The following HMCN1 variants were observed in gnomAD, a reference collection of about 807,000 sequenced individuals.
The protein encoded by HMCN1 is hemicentin-1.
HMCN1 carries 321 observed loss-of-function variants against 625.9 expected under a neutral mutation model. The observed-to-expected ratio is 0.51, with a 90% CI of 0.47 to 0.56. HMCN1 has a LOEUF of 0.56. Ranked by LOEUF, HMCN1 falls within the 20% of genes least tolerant of loss-of-function variation. The pLI is 0.00. For missense variants in HMCN1, 6,588 were observed against 6,887.3 expected (o/e 0.96, Z 1.54); for synonymous variants, 2,425 against 2,417.6 (o/e 1.00, Z -0.09).
rs770829339 is a variant in HMCN1, at chr1:186,019,603, G to T, written c.5533G>T (p.Ala1845Ser). The stretch of plus-strand genomic sequence containing the variant: ...AGTTGTGGTAAAATACAAGCCTGTC[G>T]CCTTGCAGTGCATAGCCAATGGGAT... ...ERVVVKYKPV[A>S]LQCIANGIPN... The change falls in exon 35 of 107, where the codon GCC (alanine) becomes TCC (serine). Residue 1845 changes from alanine (A) to serine (S), a missense_variant. Physicochemically the swap from Ala to Ser is moderately conservative, Grantham distance 99. This residue lies in a region of HMCN1 where 4,628 missense variants were observed against 4,853.1 expected (regional missense o/e 0.95). Transcript: ENST00000271588. The T allele has an allele frequency of 3.1e-6, 5 of 1,610,034 alleles. No individual in the cohort carries two copies. In the South Asian group the frequency reaches 4.4e-5, roughly 14 times the overall value.
At chr1:185,791,486 G>A (rs760404810) in intron 1 of HMCN1, among the ~76,000 whole-genome samples, 6 of 152,176 alleles carry the variant, frequency 3.9e-5, no homozygotes, top group East Asian at 1.9e-4. Flanking sequence ...TTGGGAGGAC[G>A]AGGCGGGTGG....
intron 1 of HMCN1, among the ~76,000 whole-genome samples, chr1:185,816,567 T>C (rs1659857216): frequency 6.6e-6 from 1 of 152,222 alleles, no homozygotes; most frequent in Non-Finnish European, 1.5e-5. Flanking sequence ...TTTATGCTAA[T>C]GTCAGCTGTA....
intron 29 of HMCN1, 22 bp downstream of exon 29, chr1:186,003,866 G>C: frequency 2.5e-6 from 4 of 1,611,106 alleles, no homozygotes; most frequent in Non-Finnish European, 3.4e-6. Context: ...TTCTGTATTT[G>C]TTGCAAGGTT....
At chr1:185,978,799 G>T (rs1310571414) in intron 16 of HMCN1, among the ~76,000 whole-genome samples, 1 of 152,064 alleles carries the variant, frequency 6.6e-6, no homozygotes, top group Non-Finnish European at 1.5e-5. Context: ...TCCTGCTTCA[G>T]CCTCCTGAGT....
intron 89 of HMCN1, among the ~76,000 whole-genome samples, chr1:186,138,990 C>A (rs1241219911): frequency 6.6e-6 from 1 of 152,134 alleles, no homozygotes; most frequent in Non-Finnish European, 1.5e-5. Context: ...CAATATCTTT[C>A]CAGTATTTAT....
At chr1:186,039,049 T>C (rs775456978) in intron 38 of HMCN1, 44 bp downstream of exon 38, 1 of 1,267,984 alleles carries the variant, frequency 7.9e-7, no homozygotes, top group South Asian at 1.2e-5. Context: ...TAAAGAAGCA[T>C]TCAAAATGAT....
Position 185,990,276 on chromosome 1 carries a change from A to T in HMCN1, c.3210A>T (p.Val1070=). The T allele has an allele frequency of 6.2e-7, 1 of 1,613,690 alleles. No homozygotes were observed. The highest frequency in any genetic ancestry group is 8.5e-7 in the Non-Finnish European group (1 of 1,179,564). ...TTCCAAAACATGTGTTTATTTTAGT[A>T]AGGCCCAGAGTGTTTGGAGATCAAC... is the stretch of plus-strand genomic sequence containing the variant. ...AKRKVQLTVY[V]RPRVFGDQRG... is the part of the protein sequence containing the mutation. The change falls in exon 22 of 107, where the codon GTA becomes GTT. Residue 1070 remains valine, a splice_region_variant and synonymous_variant. Transcript: ENST00000271588.
intron 40 of HMCN1, among the ~76,000 whole-genome samples, chr1:186,041,345 C>T (rs1186809624): frequency 6.6e-6 from 1 of 152,070 alleles, no homozygotes; most frequent in East Asian, 1.9e-4. Context: ...GTAAAATGCA[C>T]ACATCCAGCA....
At chr1:185,928,436 T>A (rs1174507888) in intron 9 of HMCN1, 110 bp from the exon 10 acceptor site, 8 of 911,172 alleles carry the variant, frequency 8.8e-6, no homozygotes, top group Middle Eastern at 2.5e-4. Flanking sequence ...ATCAATTTAT[T>A]TTCTTTACAT....
At chr1:186,143,669 T>C (rs368624323) in intron 89 of HMCN1, among the ~76,000 whole-genome samples, 1 of 152,240 alleles carries the variant, frequency 6.6e-6, no homozygotes, top group East Asian at 1.9e-4. Flanking sequence ...AAGATCCAAG[T>C]ACATATGTAG....
At chr1:186,079,356 G>A (rs1449220835) in intron 55 of HMCN1, among the ~76,000 whole-genome samples, 1 of 152,150 alleles carries the variant, frequency 6.6e-6, no homozygotes, top group Non-Finnish European at 1.5e-5. Flanking sequence ...CTCCCTTACA[G>A]TGGTCAGTAG....
At chr1:185,809,142 G>A (rs892086624) in intron 1 of HMCN1, among the ~76,000 whole-genome samples, 5 of 152,030 alleles carry the variant, frequency 3.3e-5, no homozygotes, top group Non-Finnish European at 5.9e-5. Context: ...ATATGTCTAA[G>A]AACGAGAAAG....
intron 1 of HMCN1, among the ~76,000 whole-genome samples, chr1:185,797,330 G>A (rs897131814): frequency 6.6e-6 from 1 of 152,182 alleles, no homozygotes; most frequent in East Asian, 1.9e-4. Context: ...TTGAGACTGG[G>A]TCTTGCTCTG....
In HMCN1 at chr1:185,984,314, G is replaced by T; in HGVS notation, c.2935+1G>T. The stretch of plus-strand genomic sequence containing the variant: ...AAAACTACCTCTGTGGTTGTGCATG[G>T]TAAGAGACACACCCAATGTTATTGT... On this transcript the variant is annotated splice_donor_variant, in intron 19 of 106. Transcript: ENST00000271588. LOFTEE classifies it high-confidence loss of function. The T allele has an allele frequency of 6.2e-7, 1 of 1,613,734 alleles. No homozygotes were observed. Among genetic ancestry groups the T allele is most frequent in the Non-Finnish European group, 8.5e-7 (1 of 1,179,814 alleles).
intron 55 of HMCN1, among the ~76,000 whole-genome samples, chr1:186,078,988 A>G (rs989650433): frequency 6.6e-6 from 1 of 152,234 alleles, no homozygotes; most frequent in Non-Finnish European, 1.5e-5. Flanking sequence ...TGTCAAGGAC[A>G]GTGAAGGAAT....
chr1:185,765,526 C>A (rs982114213), intron 1 of HMCN1, among the ~76,000 whole-genome samples: 2 of 152,098 alleles, frequency 1.3e-5, no homozygotes, highest in African/African-American at 4.8e-5. Flanking sequence ...ATATTCTCAG[C>A]AAAACTCTTG....
chr1:185,997,308 C>T, intron 24 of HMCN1, 121 bp from the exon 25 acceptor site: 1 of 721,734 alleles, frequency 1.4e-6, no homozygotes, highest in Non-Finnish European at 2.5e-6. Flanking sequence ...AAATAGGAAT[C>T]ATATTTAAAA....
chr1:185,803,204 G>GAAAAAAAAAAAAAAAAAA (rs1557981375), intron 1 of HMCN1, among the ~76,000 whole-genome samples: 8 of 23,708 alleles, frequency 3.4e-4, no homozygotes, highest in Admixed American at 4.2e-4. Flanking sequence ...AAAAAAAAAA[G>GAAAAAAAAAAAAAAAAAA]CAAAAAAAAA....
intron 1 of HMCN1, among the ~76,000 whole-genome samples, chr1:185,752,865 A>T (rs1571305063): frequency 6.6e-6 from 1 of 152,170 alleles, no homozygotes; most frequent in Non-Finnish European, 1.5e-5. Context: ...CAAATGTCAG[A>T]TATGAATACT....
Sources: gnomAD v4.1 joint callset for allele counts (sites outside exome capture counted in the v4.1 genomes callset) on GRCh38, gnomAD v4.1.1 for gene constraint, gnomAD v4.1.1 regional missense constraint, MANE v1.5 for transcripts, NCBI Gene and HGNC (gene_info 2026-07-23, HGNC 2026-07-21) for gene names.